Variants in BORCS5 observed in about 807,000 individuals in gnomAD.
BORCS5 encodes BLOC-1-related complex subunit 5.
Under a neutral mutation model 22.1 loss-of-function variants are expected in BORCS5, and 17 were observed. The ratio of observed to expected loss-of-function variants is 0.77; its 90% CI spans 0.53 to 1.15. BORCS5 has a LOEUF of 1.15. Ranked by LOEUF, BORCS5 falls within the 50% of genes most tolerant of loss-of-function variation. BORCS5 has a pLI of 0.00. For synonymous variants in BORCS5, 117 were observed against 99.8 expected (o/e 1.17, Z -1.03); for missense variants, 247 against 253.2 (o/e 0.98, Z 0.17).
rs150534712 is a variant in BORCS5, at chr12:12,439,777, G to A, written c.360+3992G>A. ...TGCTCGGGCAGAGGAGGTGAGTGCA[G>A]TTTTGGGGCTTTCATTGGTGGCGTA... is the stretch of plus-strand genomic sequence containing the variant. On this transcript the variant is annotated intron_variant, in intron 3 of 3. Transcript: ENST00000314565. 2.0e-5 allele frequency among the ~76,000 whole-genome samples: 3 copies of A among 152,346 alleles called. No individual in the cohort carries two copies. The East Asian group carries it at 5.8e-4, about 29-fold the overall frequency.
intron 2 of BORCS5, among the ~76,000 whole-genome samples, chr12:12,415,149 C>T (rs1302899698): frequency 1.1e-4 from 16 of 151,536 alleles, no homozygotes; most frequent in East Asian, 3.9e-4. Context: ...GACGGGGTGG[C>T]GGCTGGGCAG....
At chr12:12,443,423 C>T (rs963455013) in intron 3 of BORCS5, among the ~76,000 whole-genome samples, 9 of 152,182 alleles carry the variant, frequency 5.9e-5, no homozygotes, top group Admixed American at 2.0e-4. Context: ...CCTTCTTGTC[C>T]TTTGGGCAAC....
At chr12:12,459,153 C>T (rs1943056394) in intron 3 of BORCS5, among the ~76,000 whole-genome samples, 1 of 151,902 alleles carries the variant, frequency 6.6e-6, no homozygotes, top group African/African-American at 2.4e-5. Flanking sequence ...GCCTTGGCCT[C>T]CCAAACTTCT....
chr12:12,414,345 C>A (rs1354977479), intron 2 of BORCS5, among the ~76,000 whole-genome samples: 1 of 105,378 alleles, frequency 9.5e-6, no homozygotes, highest in African/African-American at 3.8e-5. Context: ...CTGGCCCCCC[C>A]ACCTCCCTCC....
At chr12:12,430,362 A>G (rs1182294420) in intron 2 of BORCS5, among the ~76,000 whole-genome samples, 1 of 152,062 alleles carries the variant, frequency 6.6e-6, no homozygotes, top group Non-Finnish European at 1.5e-5. Flanking sequence ...CATGTTAGCC[A>G]GGGTGGTCTC....
At chr12:12,438,217 C>G (rs1465002458) in intron 3 of BORCS5, among the ~76,000 whole-genome samples, 1 of 151,754 alleles carries the variant, frequency 6.6e-6, no homozygotes, top group Admixed American at 6.6e-5. Flanking sequence ...AAAAATTAGC[C>G]AGGTGTGATG....
intron 2 of BORCS5, among the ~76,000 whole-genome samples, chr12:12,385,541 ACT>A (rs1454909642): frequency 6.1e-5 from 9 of 148,554 alleles, no homozygotes; most frequent in South Asian, 2.1e-4. Context: ...ATGGAGTCAC[ACT>A]CTGTCACTCA....
At chr12:12,361,130 C>G in intron 1 of BORCS5, 76 bp from the exon 2 acceptor site, 1 of 1,421,490 alleles carries the variant, frequency 7.0e-7, no homozygotes. Context: ...TCTTTTTAAT[C>G]ACTACACCAA....
intron 2 of BORCS5, among the ~76,000 whole-genome samples, chr12:12,395,541 C>T (rs1941317343): frequency 6.6e-6 from 1 of 150,534 alleles, no homozygotes; most frequent in South Asian, 2.1e-4. Flanking sequence ...CCTGCCTTGG[C>T]CTCCCAGCGT....
rs573761270 is a variant in BORCS5, at chr12:12,381,930, C to T, written c.202+20581C>T. ...TTCCTTTTGATTCTGTCAGTTTTTCCTTCATTTGTTTTGAGGATATGTTGC... is the reference window on the plus strand; with the variant it reads ...TTCCTTTTGATTCTGTCAGTTTTTCTTTCATTTGTTTTGAGGATATGTTGC... On this transcript the variant is annotated intron_variant, in intron 2 of 3. Coordinates refer to ENST00000314565, the MANE Select transcript of BORCS5 (RefSeq NM_058169.6). 6.1e-4 allele frequency among the ~76,000 whole-genome samples: 92 copies of T among 151,082 alleles called. 1 individual carries two copies. In the South Asian group the frequency reaches 0.018, roughly 30 times the overall value.
intron 2 of BORCS5, among the ~76,000 whole-genome samples, chr12:12,397,013 G>GCACCT (rs1387820684): frequency 6.6e-6 from 1 of 152,082 alleles, no homozygotes; most frequent in African/African-American, 2.4e-5. Context: ...GCACGCATGT[G>GCACCT]CACCCTCACA....
intron 2 of BORCS5, among the ~76,000 whole-genome samples, chr12:12,386,749 T>C (rs574566365): frequency 6.6e-6 from 1 of 151,334 alleles, no homozygotes; most frequent in African/African-American, 2.4e-5. Context: ...GGATTACAGG[T>C]GCCAGCCACC....
At chr12:12,433,132 G>A (rs2136121867) in intron 2 of BORCS5, among the ~76,000 whole-genome samples, 1 of 152,072 alleles carries the variant, frequency 6.6e-6, no homozygotes, top group East Asian at 1.9e-4. Context: ...TCAAGAGTTT[G>A]AGATCAGCCT....
chr12:12,423,886 T>C (rs10845537), intron 2 of BORCS5, among the ~76,000 whole-genome samples: 94,614 of 151,906 alleles, frequency 0.62, 30,651 homozygotes, highest in African/African-American at 0.79. Flanking sequence ...GATGGGGTTT[T>C]GCCATGTTGC....
At chr12:12,416,779 CTTTTT>C (rs36106735) in intron 2 of BORCS5, among the ~76,000 whole-genome samples, 1 of 112,212 alleles carries the variant, frequency 8.9e-6, no homozygotes, top group Non-Finnish European at 1.8e-5. Flanking sequence ...TTAATGTAAA[CTTTTT>C]TTTTTTTTTT....
rs1407886245 is a variant in BORCS5 at position 12,469,119 on chromosome 12, G to C, written c.*3343G>C. On this transcript the variant is annotated 3_prime_UTR_variant, in exon 4 of 4. Coordinates refer to ENST00000314565, the MANE Select transcript of BORCS5 (RefSeq NM_058169.6). ...TGTAATCCCAGCACTTTGGGAGGCCGAGACGAGTGGATCACCTGAGGTCAG... is the reference window on the plus strand; with the variant it reads ...TGTAATCCCAGCACTTTGGGAGGCCCAGACGAGTGGATCACCTGAGGTCAG... 1 of 152,166 alleles carries C rather than the reference G, an allele frequency of 6.6e-6. No homozygotes were observed. The highest frequency in any genetic ancestry group is 2.4e-5 in the African/African-American group (1 of 41,418). 9.4% of individuals were successfully genotyped at this position (152,166 alleles called of 1,614,324 possible). A position where few individuals can be genotyped will look rare whatever the true frequency, so the allele number is the denominator to read the frequency against.
chr12:12,367,914 G>A (rs1033248798), intron 2 of BORCS5, among the ~76,000 whole-genome samples: 9 of 152,246 alleles, frequency 5.9e-5, no homozygotes, highest in African/African-American at 2.2e-4. Flanking sequence ...CAGATATACA[G>A]CTCTTCCCAT....
chr12:12,415,504 T>C (rs113427674), intron 2 of BORCS5, among the ~76,000 whole-genome samples: 76,464 of 117,884 alleles, frequency 0.65, 23,904 homozygotes, highest in African/African-American at 0.79. Context: ...GCAGCAGTAC[T>C]GTCCAGCTTT....
At chr12:12,402,699 A>G (rs571857346) in intron 2 of BORCS5, among the ~76,000 whole-genome samples, 2 of 152,316 alleles carry the variant, frequency 1.3e-5, no homozygotes, top group Admixed American at 1.3e-4. Context: ...TCCAAATTTG[A>G]TTCCCTGTCA....
Sources: allele counts gnomAD v4.1 joint callset (sites outside exome capture counted in the v4.1 genomes callset), GRCh38; gene constraint gnomAD v4.1.1; transcripts MANE v1.5; gene names NCBI Gene and HGNC (gene_info 2026-07-23, HGNC 2026-07-21).